Variants in LCLAT1 observed in about 807,000 individuals in gnomAD.
The protein encoded by LCLAT1 is lysocardiolipin acyltransferase 1.
LCLAT1 carries 11 observed loss-of-function variants against 30.7 expected under a neutral mutation model. The observed-to-expected ratio is 0.36, with a 90% CI of 0.23 to 0.59. LCLAT1 has a LOEUF of 0.59. Ranked by LOEUF, LCLAT1 falls within the 20% of genes least tolerant of loss-of-function variation. The pLI is 0.77. For missense variants in LCLAT1, 402 were observed against 458.6 expected (o/e 0.88, Z 1.13); for synonymous variants, 155 against 151.3 (o/e 1.02, Z -0.18).
intron 1 of LCLAT1, among the ~76,000 whole-genome samples, chr2:30,513,966 G>A (rs973386885): frequency 6.6e-6 from 1 of 152,212 alleles, no homozygotes; most frequent in African/African-American, 2.4e-5. Flanking sequence ...ACCTCCTGAG[G>A]CTGTGTCACG....
At chr2:30,500,080 C>A (rs1684301512) in intron 1 of LCLAT1, among the ~76,000 whole-genome samples, 1 of 152,096 alleles carries the variant, frequency 6.6e-6, no homozygotes, top group South Asian at 2.1e-4. Flanking sequence ...AAAGAAAACA[C>A]CCATTTTATT....
intron 5 of LCLAT1, among the ~76,000 whole-genome samples, chr2:30,608,205 C>T (rs1016786072): frequency 2.0e-5 from 3 of 151,358 alleles, no homozygotes; most frequent in Non-Finnish European, 2.9e-5. Context: ...CCTCTATTCC[C>T]ATCTACTTGG....
At chr2:30,607,917 T>G (rs1421513604) in intron 5 of LCLAT1, 1 of 161,718 alleles carries the variant, frequency 6.2e-6, no homozygotes, top group Admixed American at 6.5e-5. Flanking sequence ...TTTTAACAGT[T>G]TTTTTTAAAA....
intron 1 of LCLAT1, among the ~76,000 whole-genome samples, chr2:30,468,783 C>T (rs890066171): frequency 2.6e-5 from 4 of 152,166 alleles, no homozygotes; most frequent in Admixed American, 1.3e-4. Flanking sequence ...TTATGCAATA[C>T]GTGACCTTTT....
At chr2:30,489,304 AAGGG>A (rs1683715803) in intron 1 of LCLAT1, 2 of 152,108 alleles carry the variant, frequency 1.3e-5, no homozygotes, top group African/African-American at 2.4e-5. Flanking sequence ...GTGGGGAAGA[AAGGG>A]AGGAATTTCC....
At chr2:30,503,325 C>T (rs1234192544) in intron 1 of LCLAT1, among the ~76,000 whole-genome samples, 1 of 152,164 alleles carries the variant, frequency 6.6e-6, no homozygotes, top group East Asian at 1.9e-4. Flanking sequence ...CTGCAGGTCT[C>T]CTATCTCACT....
At chr2:30,591,244 A>G (rs1231249237) in intron 5 of LCLAT1, among the ~76,000 whole-genome samples, 1 of 152,210 alleles carries the variant, frequency 6.6e-6, no homozygotes. Flanking sequence ...AACTTGCTAA[A>G]CTACCCCATC....
chr2:30,493,867 G>A (rs908044864), intron 1 of LCLAT1, among the ~76,000 whole-genome samples: 2 of 152,112 alleles, frequency 1.3e-5, no homozygotes, highest in Admixed American at 1.3e-4. Flanking sequence ...TTAAAAAATA[G>A]TTTTGACTGG....
chr2:30,476,452 C>G (rs60912534), intron 1 of LCLAT1: 2 of 456,630 alleles, frequency 4.4e-6, no homozygotes, highest in South Asian at 3.1e-5. Context: ...TGCTCAGATC[C>G]GCCACTGCAT....
intron 5 of LCLAT1, among the ~76,000 whole-genome samples, chr2:30,581,966 G>C (rs757618175): frequency 6.6e-6 from 1 of 152,130 alleles, no homozygotes; most frequent in Non-Finnish European, 1.5e-5. Flanking sequence ...TTACTGATCT[G>C]ATCATTACAC....
At chr2:30,626,928 G>A (rs1232537725) in intron 5 of LCLAT1, among the ~76,000 whole-genome samples, 1 of 151,880 alleles carries the variant, frequency 6.6e-6, no homozygotes, top group East Asian at 1.9e-4. Context: ...TTATTTTTAT[G>A]GAATCTTGAT....
intron 5 of LCLAT1, among the ~76,000 whole-genome samples, chr2:30,584,563 A>G (rs1360062573): frequency 6.6e-6 from 1 of 152,182 alleles, no homozygotes; most frequent in African/African-American, 2.4e-5. Context: ...CTCTGACAAT[A>G]TCCTGGAAGG....
intron 5 of LCLAT1, among the ~76,000 whole-genome samples, chr2:30,635,353 G>A (rs144029871): frequency 4.0e-5 from 6 of 151,582 alleles, no homozygotes; most frequent in Admixed American, 6.6e-5. Context: ...ACACATTTTC[G>A]AGTCTCTATG....
At position 30,594,348 on chromosome 2, in the gene LCLAT1, G is replaced by A. The variant is rs1018749617; in HGVS notation, c.628+26172G>A. Among the ~76,000 whole-genome samples the A allele has an allele frequency of 2.6e-5, 4 of 152,006 alleles. No individual in the cohort carries two copies. In the East Asian group the frequency reaches 5.8e-4, roughly 22 times the overall value. On this transcript the variant is annotated intron_variant, in intron 5 of 5. Transcript: ENST00000379509. ...AGCAAAGTTCAAAGAGGCTTACAGCGAACACCCATACACCCACCACCTAGA... is the reference window on the plus strand; with the variant it reads ...AGCAAAGTTCAAAGAGGCTTACAGCAAACACCCATACACCCACCACCTAGA...
At chr2:30,586,184 CG>C (rs1666428062) in intron 5 of LCLAT1, among the ~76,000 whole-genome samples, 1 of 140,384 alleles carries the variant, frequency 7.1e-6, no homozygotes, top group Non-Finnish European at 1.5e-5. Context: ...GCGGAGCTTG[CG>C]AAGCCGAGAT....
At chr2:30,486,520 T>G (rs1450187588) in intron 1 of LCLAT1, among the ~76,000 whole-genome samples, 1 of 152,200 alleles carries the variant, frequency 6.6e-6, no homozygotes, top group Admixed American at 6.6e-5. Context: ...TCCAGTGTAC[T>G]GTTACTTAGC....
At chr2:30,593,880 A>G (rs1666801489) in intron 5 of LCLAT1, among the ~76,000 whole-genome samples, 1 of 148,786 alleles carries the variant, frequency 6.7e-6, no homozygotes, top group East Asian at 2.0e-4. Flanking sequence ...CTGTGATTGC[A>G]CCACTGCATT....
intron 5 of LCLAT1, among the ~76,000 whole-genome samples, chr2:30,633,931 G>A (rs924139002): frequency 6.6e-6 from 1 of 152,212 alleles, no homozygotes; most frequent in African/African-American, 2.4e-5. Context: ...ACGTACAGAT[G>A]TGTAAGGATT....
At chr2:30,568,505 C>CTTTTTTTTTTT (rs35285466) in intron 5 of LCLAT1, among the ~76,000 whole-genome samples, 1 of 85,364 alleles carries the variant, frequency 1.2e-5, no homozygotes, top group Non-Finnish European at 2.2e-5. Context: ...GTCTTTCTTT[C>CTTTTTTTTTTT]TTTTTTTTTT....
Sources: allele counts gnomAD v4.1 joint callset (sites outside exome capture counted in the v4.1 genomes callset), GRCh38; gene constraint gnomAD v4.1.1; transcripts MANE v1.5; gene names NCBI Gene and HGNC (gene_info 2026-07-23, HGNC 2026-07-21).